PIGK: variants seen among roughly 807,000 people sequenced by gnomAD.
PIGK encodes GPI-anchor transamidase.
A neutral mutation model predicts 50.6 loss-of-function variants in PIGK; 42 were observed. The observed-to-expected ratio is 0.83, with a 90% CI of 0.65 to 1.07. The LOEUF is 1.07. PIGK is among the 50% of genes least tolerant of loss of function. PIGK has a pLI of 0.00. For missense variants in PIGK, 448 were observed against 488.7 expected, an observed-to-expected ratio of 0.92 and a Z score of 0.78; for synonymous variants, 151 against 156.0, an observed-to-expected ratio of 0.97 and a Z score of 0.24.
intron 10 of PIGK, among the ~76,000 whole-genome samples, chr1:77,115,516 C>T (rs1466160383): frequency 1.3e-5 from 2 of 151,650 alleles, no homozygotes; most frequent in East Asian, 1.9e-4. Context: ...GGATGCCAAA[C>T]ATCCTGCGAT....
At chr1:77,180,919 C>T (rs1488144362) in intron 3 of PIGK, among the ~76,000 whole-genome samples, 1 of 151,928 alleles carries the variant, frequency 6.6e-6, no homozygotes, top group Non-Finnish European at 1.5e-5. Flanking sequence ...ATTTTGGGGC[C>T]CCAAGATTTA....
At chr1:77,139,227 T>G (rs542944046) in intron 9 of PIGK, among the ~76,000 whole-genome samples, 2 of 152,136 alleles carry the variant, frequency 1.3e-5, no homozygotes, top group East Asian at 1.9e-4. Context: ...AGCGTCTATG[T>G]GTTTTTTCCC....
intron 10 of PIGK, among the ~76,000 whole-genome samples, chr1:77,106,752 G>C (rs1037646520): frequency 6.6e-6 from 1 of 151,774 alleles, no homozygotes; most frequent in Non-Finnish European, 1.5e-5. Context: ...ACTAGATACA[G>C]CTATTTAGCA....
intron 1 of PIGK, among the ~76,000 whole-genome samples, chr1:77,210,784 A>T (rs1656400832): frequency 6.6e-6 from 1 of 152,052 alleles, no homozygotes; most frequent in South Asian, 2.1e-4. Context: ...ACCTCCCTGG[A>T]GACTCAGTTT....
chr1:77,135,402 A>C (rs1654476505), intron 9 of PIGK, among the ~76,000 whole-genome samples: 1 of 152,160 alleles, frequency 6.6e-6, no homozygotes, highest in East Asian at 1.9e-4. Context: ...ATGTGTATAC[A>C]CATATATGTA....
chr1:77,158,993 A>T (rs541361891), intron 8 of PIGK, among the ~76,000 whole-genome samples: 1 of 152,268 alleles, frequency 6.6e-6, no homozygotes, highest in East Asian at 1.9e-4. Context: ...CAATGGGGAA[A>T]ATGTCTCCAG....
chr1:77,140,564 G>A (rs1373684806), intron 9 of PIGK, among the ~76,000 whole-genome samples: 2 of 151,894 alleles, frequency 1.3e-5, no homozygotes, highest in Non-Finnish European at 2.9e-5. Context: ...AACATCTAAG[G>A]TAAAAGTGGG....
chr1:77,192,525 G>T (rs955226897), intron 3 of PIGK, among the ~76,000 whole-genome samples: 3 of 152,034 alleles, frequency 2.0e-5, no homozygotes, highest in Non-Finnish European at 4.4e-5. Context: ...GAATTAGCCA[G>T]CAAACTTCAT....
chr1:77,123,162 A>C (rs993757897), intron 9 of PIGK, among the ~76,000 whole-genome samples: 1 of 152,182 alleles, frequency 6.6e-6, no homozygotes, highest in African/African-American at 2.4e-5. Flanking sequence ...AATGAAGAAA[A>C]TGTAGTATAA....
intron 3 of PIGK, among the ~76,000 whole-genome samples, chr1:77,176,887 T>G (rs573418020): frequency 2.1e-4 from 32 of 152,272 alleles, no homozygotes; most frequent in African/African-American, 6.5e-4. Flanking sequence ...CAAAACATCA[T>G]GGAAAAGAGA....
At chr1:77,133,562 A>G (rs1654429590) in intron 9 of PIGK, among the ~76,000 whole-genome samples, 2 of 152,220 alleles carry the variant, frequency 1.3e-5, no homozygotes, top group East Asian at 3.9e-4. Flanking sequence ...GATGTAGGAA[A>G]CTGCATACTT....
intron 1 of PIGK, among the ~76,000 whole-genome samples, chr1:77,214,948 T>C (rs1377565185): frequency 6.6e-6 from 1 of 151,808 alleles, no homozygotes; most frequent in Non-Finnish European, 1.5e-5. Context: ...AACCAAGAAG[T>C]GAAAAATCTC....
chr1:77,169,438 GA>G, intron 3 of PIGK, 43 bp from the exon 4 acceptor site: 1 of 1,478,858 alleles, frequency 6.8e-7, no homozygotes, highest in East Asian at 2.4e-5. Context: ...TAGATAAAAG[GA>G]AAAAGTTAAA....
chr1:77,213,502 AATTTCCTTTAAT>A (rs768205182), intron 1 of PIGK, among the ~76,000 whole-genome samples: 5 of 152,206 alleles, frequency 3.3e-5, no homozygotes, highest in Non-Finnish European at 5.9e-5. Flanking sequence ...GAAAATTAAA[AATTTCCTTTAAT>A]ACATGAAAAT....
At chr1:77,140,599 A>G (rs950289314) in intron 9 of PIGK, among the ~76,000 whole-genome samples, 1 of 152,136 alleles carries the variant, frequency 6.6e-6, no homozygotes, top group Non-Finnish European at 1.5e-5. Flanking sequence ...GTGTTAACTC[A>G]TGGGAACGTC....
intron 9 of PIGK, among the ~76,000 whole-genome samples, chr1:77,123,629 G>A (rs1654155529): frequency 6.6e-6 from 1 of 152,070 alleles, no homozygotes; most frequent in South Asian, 2.1e-4. Context: ...GCCAGGAGCT[G>A]GGAGGAGGGG....
At chr1:77,166,022 G>T (rs1354337222) in intron 5 of PIGK, among the ~76,000 whole-genome samples, 3 of 152,130 alleles carry the variant, frequency 2.0e-5, no homozygotes, top group African/African-American at 7.2e-5. Flanking sequence ...ATAAGCAAAT[G>T]CAAGAGCTTA....
intron 3 of PIGK, among the ~76,000 whole-genome samples, chr1:77,177,441 T>A (rs993320852): frequency 6.6e-6 from 1 of 152,256 alleles, no homozygotes; most frequent in East Asian, 1.9e-4. Context: ...ATGAGCAATC[T>A]GTGCCTTAAG....
intron 1 of PIGK, among the ~76,000 whole-genome samples, chr1:77,218,775 A>G (rs1051841839): frequency 6.6e-6 from 1 of 152,152 alleles, no homozygotes; most frequent in African/African-American, 2.4e-5. Context: ...AAAAATGGGA[A>G]GCTGGAGGAG....
Sources: gnomAD v4.1 joint callset for allele counts (sites outside exome capture counted in the v4.1 genomes callset) on GRCh38, gnomAD v4.1.1 for gene constraint, MANE v1.5 for transcripts, NCBI Gene and HGNC (gene_info 2026-07-23, HGNC 2026-07-21) for gene names.